The following GATAD2B variants were observed in gnomAD, a reference collection of about 807,000 sequenced individuals.
GATAD2B encodes transcriptional repressor p66-beta.
In GATAD2B, 8 loss-of-function variants were observed where a neutral mutation model predicts 64.3. That is an observed-to-expected ratio of 0.12 (90% confidence interval 0.07 to 0.22). The LOEUF (loss-of-function observed/expected upper bound fraction) is 0.22. Among genes scored for constraint, GATAD2B ranks in the 10% least tolerant of loss-of-function variants. The probability of loss-of-function intolerance (pLI) is 1.00; values close to 1 mark genes in which losing one functional copy is unlikely to be tolerated. For missense variants in GATAD2B, 453 were observed against 752.0 expected (o/e 0.60, Z 4.65); for synonymous variants, 281 against 271.3 (o/e 1.04, Z -0.35).
In GATAD2B at chr1:153,880,931, G is replaced by A. The variant is rs536605257; in HGVS notation, c.-2+41802C>T. Among the ~76,000 whole-genome samples the A allele has an allele frequency of 8.5e-5, 13 of 152,192 alleles. No individual in the cohort carries two copies. The South Asian group carries it at 2.1e-3, about 24-fold the overall frequency. ...AACACTTGCACACAGAAGCTCTCTC[G>A]TTTTGCCACAACACAAATACCTTTT... On this transcript the variant is annotated intron_variant, in intron 1 of 10. Transcript: ENST00000368655.
chr1:153,903,196 C>T (rs183712837), intron 1 of GATAD2B, among the ~76,000 whole-genome samples: 147 of 150,272 alleles, frequency 9.8e-4, no homozygotes, highest in Non-Finnish European at 1.7e-3. Context: ...CCAGCCTGGG[C>T]GACAGAGCGA....
At chr1:153,897,132 C>T (rs952052792) in intron 1 of GATAD2B, among the ~76,000 whole-genome samples, 3 of 151,860 alleles carry the variant, frequency 2.0e-5, no homozygotes, top group Admixed American at 2.0e-4. Flanking sequence ...GGGGTTCACG[C>T]CATTCTCCTG....
chr1:153,912,981 G>T (rs376109261), intron 1 of GATAD2B, among the ~76,000 whole-genome samples: 1 of 152,116 alleles, frequency 6.6e-6, no homozygotes, highest in Non-Finnish European at 1.5e-5. Flanking sequence ...CCAGCTATAC[G>T]GGAGACTGAG....
intron 6 of GATAD2B, among the ~76,000 whole-genome samples, chr1:153,817,063 G>C (rs1182886746): frequency 6.6e-6 from 1 of 152,054 alleles, no homozygotes; most frequent in South Asian, 2.1e-4. Context: ...AAACAAAAAA[G>C]AGACAGAAAT....
intron 1 of GATAD2B, among the ~76,000 whole-genome samples, chr1:153,848,317 CTAAT>C (rs1362255237): frequency 1.3e-5 from 2 of 152,192 alleles, no homozygotes; most frequent in African/African-American, 2.4e-5. Context: ...TTCCAGGTCA[CTAAT>C]TACCTTCATG....
chr1:153,818,383 C>T (rs12733271), intron 4 of GATAD2B, among the ~76,000 whole-genome samples: 2 of 147,734 alleles, frequency 1.4e-5, no homozygotes, highest in Admixed American at 1.4e-4. Context: ...GGCCTGATCT[C>T]GGCTCACTGC....
At chr1:153,918,177 T>C (rs932631987) in intron 1 of GATAD2B, among the ~76,000 whole-genome samples, 1 of 152,188 alleles carries the variant, frequency 6.6e-6, no homozygotes, top group Non-Finnish European at 1.5e-5. Context: ...GGGCAAACCA[T>C]GTAAAGCCTT....
Position 153,817,558 on chromosome 1 carries a change from A to C in GATAD2B, c.730-16T>G. On this transcript the variant is annotated splice_polypyrimidine_tract_variant and intron_variant, in intron 5 of 10. Transcript: ENST00000368655. ...CACTGTGACCCTGGAGGGGAAGAAGAGGAAAAGAACTAATCACAGGTTGTA... is the reference window on the plus strand; with the variant it reads ...CACTGTGACCCTGGAGGGGAAGAAGCGGAAAAGAACTAATCACAGGTTGTA... 6.4e-7 allele frequency: 1 copy of C among 1,569,510 alleles called. No homozygotes were observed. Among genetic ancestry groups the C allele is most frequent in the African/African-American group, 1.4e-5 (1 of 73,592 alleles).
chr1:153,907,028 T>C (rs1677963494), intron 1 of GATAD2B, among the ~76,000 whole-genome samples: 1 of 152,224 alleles, frequency 6.6e-6, no homozygotes, highest in Non-Finnish European at 1.5e-5. Flanking sequence ...GTGGAGGGAC[T>C]GGAACCTTTG....
At chr1:153,911,860 A>T (rs1164554105) in intron 1 of GATAD2B, among the ~76,000 whole-genome samples, 1 of 152,208 alleles carries the variant, frequency 6.6e-6, no homozygotes, top group Non-Finnish European at 1.5e-5. Context: ...GTGCACCATA[A>T]CAGTATCCTT....
intron 1 of GATAD2B, among the ~76,000 whole-genome samples, chr1:153,898,699 T>C (rs1677677909): frequency 6.6e-6 from 1 of 152,204 alleles, no homozygotes; most frequent in African/African-American, 2.4e-5. Context: ...TCCCAGTAAG[T>C]TCTAAATTCA....
intron 1 of GATAD2B, among the ~76,000 whole-genome samples, chr1:153,866,135 C>T (rs1164687713): frequency 7.0e-6 from 1 of 142,698 alleles, no homozygotes; most frequent in African/African-American, 2.6e-5. Context: ...ACTTGGGAGG[C>T]GGAGGTTGCA....
chr1:153,910,151 T>A (rs151212370), intron 1 of GATAD2B, among the ~76,000 whole-genome samples: 1 of 151,938 alleles, frequency 6.6e-6, no homozygotes, highest in African/African-American at 2.4e-5. Context: ...TAAAAAGTAA[T>A]GTTATATGTA....
chr1:153,856,961 T>C (rs1676102300), intron 1 of GATAD2B, among the ~76,000 whole-genome samples: 1 of 148,586 alleles, frequency 6.7e-6, no homozygotes, highest in Admixed American at 6.8e-5. Flanking sequence ...GATGATAGGG[T>C]TTCATCTGAA....
In GATAD2B at chr1:153,852,228, G is replaced by A; in HGVS notation, c.-1-23880C>T. The A allele has an allele frequency of 2.5e-6, 3 of 1,185,530 alleles. No homozygotes were observed. The South Asian group carries it at 3.8e-5, about 15-fold the overall frequency. The allele number at this position is 1,185,530 out of a possible 1,614,324, so 73.4% of individuals were successfully genotyped here. The stretch of plus-strand genomic sequence containing the variant: ...GACCTACCAGCCAGTTGAGGGGCAT[G>A]TTGTTAACAAGAAATCCATCAAGTC... On this transcript the variant is annotated intron_variant, in intron 1 of 10. Coordinates refer to ENST00000368655, the MANE Select transcript of GATAD2B (RefSeq NM_020699.4).
chr1:153,919,283 TGA>T (rs1678358844), intron 1 of GATAD2B, among the ~76,000 whole-genome samples: 1 of 152,206 alleles, frequency 6.6e-6, no homozygotes, highest in Admixed American at 6.5e-5. Context: ...GGGGATTTTG[TGA>T]GAGACAGCAA....
At chr1:153,858,277 A>T (rs898824746) in intron 1 of GATAD2B, among the ~76,000 whole-genome samples, 2 of 152,106 alleles carry the variant, frequency 1.3e-5, no homozygotes, top group African/African-American at 4.8e-5. Context: ...AAAATCCAGA[A>T]ATCAGGCTGG....
At chr1:153,885,394 C>G (rs1037907738) in intron 1 of GATAD2B, among the ~76,000 whole-genome samples, 2 of 152,060 alleles carry the variant, frequency 1.3e-5, no homozygotes, top group Non-Finnish European at 2.9e-5. Flanking sequence ...ACATGAGCTT[C>G]AAGTCAGTGA....
chr1:153,869,776 T>A (rs1676600373), intron 1 of GATAD2B, among the ~76,000 whole-genome samples: 1 of 152,150 alleles, frequency 6.6e-6, no homozygotes, highest in Non-Finnish European at 1.5e-5. Flanking sequence ...AACATCCATA[T>A]CTTTTTCTAT....
Sources: gnomAD v4.1 joint callset for allele counts (sites outside exome capture counted in the v4.1 genomes callset) on GRCh38, gnomAD v4.1.1 for gene constraint, MANE v1.5 for transcripts, NCBI Gene and HGNC (gene_info 2026-07-23, HGNC 2026-07-21) for gene names.